Variants in AGBL3 observed in about 807,000 individuals in gnomAD.
AGBL3 encodes cytosolic carboxypeptidase 3.
Under a neutral mutation model 94.5 loss-of-function variants are expected in AGBL3, and 68 were observed. The ratio of observed to expected loss-of-function variants is 0.72; its 90% CI spans 0.59 to 0.88. The LOEUF is 0.88. Ranked by LOEUF, AGBL3 falls within the 40% of genes least tolerant of loss-of-function variation. AGBL3 has a pLI of 0.00. For synonymous variants in AGBL3, 354 were observed against 370.7 expected (o/e 0.95, Z 0.52); for missense variants, 934 against 1,103.8 (o/e 0.85, Z 2.18).
At chr7:135,078,214 G>A (rs573525928) in intron 13 of AGBL3, among the ~76,000 whole-genome samples, 1 of 152,288 alleles carries the variant, frequency 6.6e-6, no homozygotes, top group East Asian at 1.9e-4. Flanking sequence ...TGTGGTCAGG[G>A]AAAGAGACAG....
At chr7:135,099,339 C>T (rs1823409563) in intron 15 of AGBL3, among the ~76,000 whole-genome samples, 1 of 152,052 alleles carries the variant, frequency 6.6e-6, no homozygotes. Flanking sequence ...AATTTAAAGG[C>T]TTCCAGGGGA....
chr7:135,092,268 A>T (rs193024386), intron 15 of AGBL3: 1 of 152,342 alleles, frequency 6.6e-6, no homozygotes, highest in Non-Finnish European at 1.5e-5. Flanking sequence ...TTTGTCATCC[A>T]TAAATATTAC....
At chr7:135,000,280 T>C (rs1419906869) in intron 4 of AGBL3, among the ~76,000 whole-genome samples, 3 of 152,216 alleles carry the variant, frequency 2.0e-5, no homozygotes, top group Non-Finnish European at 4.4e-5. Flanking sequence ...AAAACATTAT[T>C]TCTGGATGTG....
At chr7:135,076,722 T>A (rs949119165) in intron 13 of AGBL3, among the ~76,000 whole-genome samples, 1 of 152,184 alleles carries the variant, frequency 6.6e-6, no homozygotes, top group African/African-American at 2.4e-5. Flanking sequence ...CTTACAAAGA[T>A]GCATCCAGGG....
rs1453147907 is a variant in AGBL3, at chr7:135,032,859, G to A, written c.434G>A (p.Cys145Tyr). 1 of 1,549,204 alleles carries A rather than the reference G, an allele frequency of 6.5e-7. No homozygotes were observed. Among genetic ancestry groups the A allele is most frequent in the Non-Finnish European group, 8.7e-7 (1 of 1,146,060 alleles). The change falls in exon 6 of 17, where the codon TGT (cysteine) becomes TAT (tyrosine). Residue 145 changes from cysteine to tyrosine, a missense_variant. Around this residue, in one of 3 missense-constraint regions of AGBL3, gnomAD observed 488 missense variants for 563.6 expected, o/e 0.87. Coordinates refer to ENST00000436302, the MANE Select transcript of AGBL3 (RefSeq NM_178563.4). ...CTCTCATCAGCTTACAAAGAGCCCTGTTTTGTGTATTCCCGAGTTGGGGGT... is the reference window on the plus strand; with the variant it reads ...CTCTCATCAGCTTACAAAGAGCCCTATTTTGTGTATTCCCGAGTTGGGGGT... ...YLAEDAYKEP[C>Y]FVYSRVGGNR...
rs200420936 is a variant in AGBL3 at position 135,059,156 on chromosome 7, A to AT, written c.1842-5dup. On this transcript the variant is annotated splice_polypyrimidine_tract_variant and intron_variant, in intron 11 of 16. Transcript: ENST00000436302. ...CCAAAACACTGTATAAACCAAAATT[A>AT]TTTTTTTTGTAGTAGCCGAGGCTCT... The AT allele has an allele frequency of 2.2e-4, 332 of 1,540,720 alleles. 1 individual carries two copies. The East Asian group carries it at 7.3e-3, about 34-fold the overall frequency.
rs759219311 is a variant in AGBL3 at position 135,050,991 on chromosome 7, A to ACAGAG, written c.1841+5080_1841+5081insCAGAG. On this transcript the variant is annotated intron_variant, in intron 11 of 16. Coordinates refer to ENST00000436302, the MANE Select transcript of AGBL3 (RefSeq NM_178563.4). ...AGTTTTTTTCTCTTTTCTTCTCTTCAAATTATTTCTAATGCTGTCACTACC... is the reference window on the plus strand; with the variant it reads ...AGTTTTTTTCTCTTTTCTTCTCTTCACAGAGAATTATTTCTAATGCTGTCACTACC... 694 of 414,324 alleles carry ACAGAG rather than the reference A, an allele frequency of 1.7e-3. 9 individuals are homozygous for ACAGAG. The highest frequency in any genetic ancestry group is 9.7e-3 in the South Asian group (547 of 56,500). The allele number at this position is 414,324 out of a possible 1,614,324, so 25.7% of individuals were successfully genotyped here.
At chr7:135,007,522 A>T (rs1812545521) in intron 4 of AGBL3, among the ~76,000 whole-genome samples, 1 of 151,992 alleles carries the variant, frequency 6.6e-6, no homozygotes, top group Admixed American at 6.6e-5. Flanking sequence ...AGGAAGAGAA[A>T]GGAAAGGCGT....
At chr7:135,103,119 C>T (rs149051656) in intron 15 of AGBL3, among the ~76,000 whole-genome samples, 7 of 152,254 alleles carry the variant, frequency 4.6e-5, no homozygotes, top group African/African-American at 1.2e-4. Context: ...CCAGACCATC[C>T]GCACCTGGAA....
chr7:135,038,458 C>A (rs1186052264), intron 8 of AGBL3, among the ~76,000 whole-genome samples: 2 of 152,150 alleles, frequency 1.3e-5, no homozygotes, highest in South Asian at 2.1e-4. Context: ...TAAAATAATT[C>A]TGTGTTACTA....
chr7:135,128,328 A>AAAAAAAAAAAAC (rs1828239206), intron 16 of AGBL3: 1 of 186,260 alleles, frequency 5.4e-6, no homozygotes, highest in Non-Finnish European at 1.1e-5. Context: ...AACGAAAAAA[A>AAAAAAAAAAAAC]AAAACAAAAC....
intron 12 of AGBL3, among the ~76,000 whole-genome samples, chr7:135,069,457 T>C (rs961916156): frequency 7.2e-5 from 11 of 152,112 alleles, no homozygotes; most frequent in South Asian, 2.1e-4. Flanking sequence ...TATTCCAAAA[T>C]TGACCACATA....
At chr7:135,027,292 C>T (rs1815253067) in intron 5 of AGBL3, among the ~76,000 whole-genome samples, 1 of 151,724 alleles carries the variant, frequency 6.6e-6, no homozygotes, top group South Asian at 2.1e-4. Flanking sequence ...AGGCAGTCCA[C>T]CCACCTTGGC....
At chr7:135,055,406 A>G (rs376508866) in intron 11 of AGBL3, among the ~76,000 whole-genome samples, 4 of 152,316 alleles carry the variant, frequency 2.6e-5, no homozygotes, top group East Asian at 1.9e-4. Context: ...GTTAGCTGTA[A>G]GGTTTCTGTA....
intron 5 of AGBL3, among the ~76,000 whole-genome samples, chr7:135,020,994 A>G (rs924262227): frequency 3.3e-5 from 5 of 151,924 alleles, no homozygotes; most frequent in Admixed American, 2.6e-4. Flanking sequence ...CCAACATGGC[A>G]CATGTATACA....
intron 15 of AGBL3, among the ~76,000 whole-genome samples, chr7:135,103,023 G>A (rs903722201): frequency 6.6e-6 from 1 of 152,064 alleles, no homozygotes; most frequent in Non-Finnish European, 1.5e-5. Context: ...AACCAATAAA[G>A]GCCTTGTTTT....
chr7:135,023,087 T>C (rs1036469641), intron 5 of AGBL3, among the ~76,000 whole-genome samples: 3 of 152,214 alleles, frequency 2.0e-5, no homozygotes, highest in Admixed American at 2.0e-4. Flanking sequence ...ACTTCACATA[T>C]AGTGTGAGCA....
At chr7:135,034,987 TG>T in intron 7 of AGBL3, 59 bp downstream of exon 7, 2 of 1,392,964 alleles carry the variant, frequency 1.4e-6, no homozygotes, top group Middle Eastern at 2.1e-4. Flanking sequence ...GTAACAATTT[TG>T]CTCCCACAAT....
At chr7:135,057,184 G>C (rs1026987875) in intron 11 of AGBL3, among the ~76,000 whole-genome samples, 24 of 151,994 alleles carry the variant, frequency 1.6e-4, no homozygotes, top group Admixed American at 2.6e-4. Context: ...AATGTTACTG[G>C]AACAATTGGA....
Sources: allele counts gnomAD v4.1 joint callset (sites outside exome capture counted in the v4.1 genomes callset), GRCh38; gene constraint gnomAD v4.1.1; regional missense constraint gnomAD v4.1.1; transcripts MANE v1.5; gene names NCBI Gene and HGNC (gene_info 2026-07-23, HGNC 2026-07-21).